Variants in MAN1B1 observed in about 807,000 individuals in gnomAD.
The protein encoded by MAN1B1 is endoplasmic reticulum mannosyl-oligosaccharide 1,2-alpha-mannosidase.
Under a neutral mutation model 75.5 loss-of-function variants are expected in MAN1B1, and 66 were observed. The ratio of observed to expected loss-of-function variants is 0.87; its 90% confidence interval spans 0.72 to 1.07. The LOEUF is 1.07. MAN1B1 is among the 50% of genes least tolerant of loss of function. The probability of loss-of-function intolerance (pLI) is 0.00; values close to 1 mark genes in which losing one functional copy is unlikely to be tolerated. For synonymous variants in MAN1B1, 453 were observed against 382.8 expected (o/e 1.18, Z -2.14); for missense variants, 973 against 912.5 (o/e 1.07, Z -0.85).
At chr9:137,108,229 C>A in intron 12 of MAN1B1, 159 bp from the exon 13 acceptor site, 1 of 685,748 alleles carries the variant, frequency 1.5e-6, no homozygotes, top group South Asian at 1.6e-5. Flanking sequence ...CCGGTGGAAC[C>A]ACACGGCTCG....
intron 4 of MAN1B1, 51 bp downstream of exon 4, chr9:137,096,442 G>A (rs765567079): frequency 5.6e-6 from 9 of 1,597,096 alleles, no homozygotes; most frequent in South Asian, 1.1e-5. Flanking sequence ...TTGATGTTCC[G>A]AAAAACAAGA....
chr9:137,101,692 G>A lies in MAN1B1; in HGVS notation c.1254+20G>A. The A allele has an allele frequency of 6.2e-7, 1 of 1,606,772 alleles. No individual in the cohort carries two copies. Among genetic ancestry groups the A allele is most frequent in the Non-Finnish European group, 8.5e-7 (1 of 1,176,352 alleles). On this transcript the variant is annotated intron_variant, in intron 8 of 12. Coordinates refer to ENST00000371589, the MANE Select transcript of MAN1B1 (RefSeq NM_016219.5). ...TTTCAGGTAAGGGGGCAGGCTTTCT[G>A]GCTGGATGCGCCTCCCCTGGAGCTA...
rs1830652803 is a variant in MAN1B1 at position 137,096,371 on chromosome 9, T to G, written c.600T>G (p.Asp200Glu). ...EAPVDPRPEG[D>E]PQRTVISWRG... ...CTGTGGATCCCCGCCCGGAAGGAGA[T>G]CCGCAGAGGACAGTCATCAGGTACA... Residue 200 changes from aspartate (D) to glutamate (E), a missense_variant, in exon 4 of 13, where the codon GAT (aspartate) becomes GAG (glutamate). Coordinates refer to ENST00000371589, the MANE Select transcript of MAN1B1 (RefSeq NM_016219.5). The G allele has an allele frequency of 1.1e-5, 17 of 1,613,558 alleles. No individual in the cohort carries two copies. Among genetic ancestry groups the G allele is most frequent in the Non-Finnish European group, 1.4e-5 (17 of 1,179,962 alleles).
chr9:137,104,379 C>A (rs916333380), intron 8 of MAN1B1: 7 of 295,692 alleles, frequency 2.4e-5, no homozygotes, highest in African/African-American at 1.5e-4. Flanking sequence ...GGATTACAGG[C>A]GCCTGCCACC....
intron 1 of MAN1B1, chr9:137,087,457 G>T (rs550260884): frequency 5.8e-6 from 4 of 693,414 alleles, no homozygotes; most frequent in East Asian, 5.5e-5. Flanking sequence ...AGGGCTCAGA[G>T]CCCCAGCAGG....
At chr9:137,100,909 C>A in intron 6 of MAN1B1, 96 bp from the exon 7 acceptor site, 3 of 1,445,940 alleles carry the variant, frequency 2.1e-6, no homozygotes, top group Middle Eastern at 1.8e-4. Context: ...CATGAGCCAC[C>A]ACGCCCAGCC....
chr9:137,092,456 G>A (rs982369819), intron 3 of MAN1B1, among the ~76,000 whole-genome samples: 1 of 152,172 alleles, frequency 6.6e-6, no homozygotes, highest in Non-Finnish European at 1.5e-5. Flanking sequence ...GTTAGGGGCT[G>A]GATTGGTCCC....
chr9:137,108,662 G>A lies in MAN1B1; in HGVS notation c.*71G>A. 1 of 1,464,488 alleles carries A rather than the reference G, an allele frequency of 6.8e-7. No individual in the cohort carries two copies. Among genetic ancestry groups the A allele is most frequent in the African/African-American group, 1.4e-5 (1 of 71,796 alleles). The allele number at this position is 1,464,488 out of a possible 1,614,324, so 90.7% of individuals were successfully genotyped here. On this transcript the variant is annotated 3_prime_UTR_variant, in exon 13 of 13. Coordinates refer to ENST00000371589, the MANE Select transcript of MAN1B1 (RefSeq NM_016219.5). ...TTGCTGGGTCTGTGGCATTTTCCAA[G>A]GGCCCACGTAGCACCGGCAACCGCC...
At chr9:137,107,817 T>C (rs1381404833) in intron 12 of MAN1B1, 155 bp downstream of exon 12, 3 of 989,714 alleles carry the variant, frequency 3.0e-6, no homozygotes, top group East Asian at 5.1e-5. Context: ...ACACTGCAGC[T>C]TGGGGGCCCT....
At chr9:137,105,884 T>G (rs1021668594) in intron 8 of MAN1B1, 3 of 666,898 alleles carry the variant, frequency 4.5e-6, no homozygotes, top group Non-Finnish European at 8.3e-6. Flanking sequence ...GTCAGCTCTG[T>G]GGTGACCACC....
intron 3 of MAN1B1, chr9:137,089,346 T>C (rs1830461545): frequency 8.0e-6 from 3 of 377,182 alleles, no homozygotes; most frequent in Non-Finnish European, 1.0e-5. Context: ...GTACATCCTA[T>C]GTGGAAAAGA....
At chr9:137,107,476 CAGG>C (rs774659583) in intron 11 of MAN1B1, 29 bp downstream of exon 11, 3 of 1,613,276 alleles carry the variant, frequency 1.9e-6, no homozygotes, top group Non-Finnish European at 2.5e-6. Flanking sequence ...CAGGGTCCAT[CAGG>C]AGGAGGGTGC....
At chr9:137,101,847 A>G (rs1178155785) in intron 8 of MAN1B1, 175 bp downstream of exon 8, 2 of 823,096 alleles carry the variant, frequency 2.4e-6, no homozygotes, top group Non-Finnish European at 2.0e-6. Context: ...GTGGTGTTAC[A>G]TTCACGCTGT....
At chr9:137,095,669 A>T (rs1830632485) in intron 3 of MAN1B1, among the ~76,000 whole-genome samples, 1 of 152,232 alleles carries the variant, frequency 6.6e-6, no homozygotes, top group Non-Finnish European at 1.5e-5. Flanking sequence ...TCAGTCCGTG[A>T]CACGGTCTGC....
At chr9:137,106,869 C>T (rs1831129256) in intron 10 of MAN1B1, 60 bp downstream of exon 10, 9 of 1,569,330 alleles carry the variant, frequency 5.7e-6, no homozygotes, top group Admixed American at 5.4e-5. Context: ...TCCAAGGTGC[C>T]TGAGTCATGA....
chr9:137,097,915 G>T lies in MAN1B1; in HGVS notation c.708G>T (p.Pro236=). 2.6e-6 allele frequency: 4 copies of T among 1,558,684 alleles called. No individual in the cohort carries two copies. Among genetic ancestry groups the T allele is most frequent in the Non-Finnish European group, 2.6e-6 (3 of 1,151,608 alleles). The change falls in exon 5 of 13, where the codon CCG becomes CCT. Residue 236 remains proline (P), a synonymous_variant. Coordinates refer to ENST00000371589, the MANE Select transcript of MAN1B1 (RefSeq NM_016219.5). ...TGCCCACCAAGCCTCCCCTGCCACCGGCCAGGACACAGGGCACACCAGGTG... is the reference window on the plus strand; with the variant it reads ...TGCCCACCAAGCCTCCCCTGCCACCTGCCAGGACACAGGGCACACCAGGTG... The part of the protein sequence containing the change: ...AEVPTKPPLP[P]ARTQGTPVHL...
Position 137,107,093 on chromosome 9 carries a change from G to C in MAN1B1, c.1567-157G>C, listed in dbSNP as rs1248051753. 3 of 837,510 alleles carry C rather than the reference G, an allele frequency of 3.6e-6. No homozygotes were observed. The African/African-American group carries it at 5.1e-5, about 14-fold the overall frequency. The allele number at this position is 837,510 out of a possible 1,614,324, so 51.9% of individuals were successfully genotyped here. On this transcript the variant is annotated intron_variant, in intron 10 of 12. Coordinates refer to ENST00000371589, the MANE Select transcript of MAN1B1 (RefSeq NM_016219.5). ...GGGCCGGGTTGGAGGGCCTGGTCCA[G>C]GCAGCTCCGCTGTTCCATGCCAAGT...
chr9:137,096,487 C>T, intron 4 of MAN1B1, 96 bp downstream of exon 4: 1 of 1,463,778 alleles, frequency 6.8e-7, no homozygotes, highest in Non-Finnish European at 9.4e-7. Context: ...ATCTATTTTC[C>T]TTTGAAACTG....
At chr9:137,107,740 T>C (rs553749970) in intron 12 of MAN1B1, 78 bp downstream of exon 12, 2 of 1,603,810 alleles carry the variant, frequency 1.2e-6, no homozygotes, top group South Asian at 1.1e-5. Flanking sequence ...TCAGGCTGGC[T>C]CCGCTCTTGG....
Sources: allele counts gnomAD v4.1 joint callset (sites outside exome capture counted in the v4.1 genomes callset), GRCh38; gene constraint gnomAD v4.1.1; transcripts MANE v1.5; gene names NCBI Gene and HGNC (gene_info 2026-07-23, HGNC 2026-07-21).